ZNF469: variants seen among roughly 807,000 people sequenced by gnomAD.
ZNF469 encodes zinc finger protein 469.
Under a neutral mutation model 1.0 loss-of-function variants are expected in ZNF469, and 1 was observed. The ratio of observed to expected loss-of-function variants is 1.00; its 90% CI spans 0.35 to 4.73. The LOEUF is 4.73. ZNF469 is among the 30% of genes most tolerant of loss of function. The pLI is 0.16. For missense variants in ZNF469, 6,100 were observed against 5,356.3 expected (o/e 1.14, Z -4.33); for synonymous variants, 2,703 against 2,363.4 (o/e 1.14, Z -4.17).
the ZNF469 span, among the ~76,000 whole-genome samples, chr16:88,184,603 G>C: frequency 1.4e-3 from 207 of 152,074 alleles, 1 homozygote; most frequent in African/African-American, 4.6e-3. Context: ...TCCCGTTTCA[G>C]GGGGGAAGCT....
intron 1 of ZNF469, among the ~76,000 whole-genome samples, chr16:88,395,660 G>T (rs563518588): frequency 1.3e-5 from 2 of 152,012 alleles, no homozygotes; most frequent in South Asian, 2.1e-4. Flanking sequence ...AATTCCCACC[G>T]GAGGCTCAGA....
the ZNF469 span, among the ~76,000 whole-genome samples, chr16:88,267,594 T>A: frequency 6.6e-6 from 1 of 152,130 alleles, no homozygotes; most frequent in Non-Finnish European, 1.5e-5. Context: ...GGATTCTGTG[T>A]TCCTCCCTCT....
the ZNF469 span, among the ~76,000 whole-genome samples, chr16:88,113,048 G>A: frequency 3.3e-5 from 5 of 152,254 alleles, no homozygotes; most frequent in Admixed American, 6.5e-5. Flanking sequence ...AAAGTGCTGG[G>A]ATTACAGGTG....
At chr16:88,197,536 G>A in the ZNF469 span, among the ~76,000 whole-genome samples, 210 of 152,334 alleles carry the variant, frequency 1.4e-3, 1 homozygote, top group African/African-American at 4.9e-3. Context: ...TTTGCATTTG[G>A]GAGAAAGCCC....
chr16:88,236,902 C>T, the ZNF469 span, among the ~76,000 whole-genome samples: 1 of 152,096 alleles, frequency 6.6e-6, no homozygotes, highest in Non-Finnish European at 1.5e-5. Context: ...AGAATCAGTG[C>T]TCTGCCAAGC....
At chr16:88,215,493 G>A in the ZNF469 span, among the ~76,000 whole-genome samples, 21 of 140,114 alleles carry the variant, frequency 1.5e-4, no homozygotes, top group South Asian at 7.2e-4. Flanking sequence ...GGGTTCAAGC[G>A]ATTCTCCTGC....
chr16:88,368,889 G>A, the ZNF469 span, among the ~76,000 whole-genome samples: 1 of 152,124 alleles, frequency 6.6e-6, no homozygotes, highest in African/African-American at 2.4e-5. Flanking sequence ...GACCAGCCTG[G>A]CCAACATGGT....
the ZNF469 span, among the ~76,000 whole-genome samples, chr16:88,135,747 TG>T: frequency 1.7e-4 from 3 of 17,992 alleles, no homozygotes; most frequent in South Asian, 5.7e-3. Context: ...AAGCTGGCCA[TG>T]TTTTTTTTTT....
chr16:88,158,063 T>C, the ZNF469 span, among the ~76,000 whole-genome samples: 4 of 151,836 alleles, frequency 2.6e-5, no homozygotes, highest in Non-Finnish European at 4.4e-5. Context: ...GGTCTGCTCT[T>C]GGGGTGTCCG....
At chr16:88,381,892 T>C (rs2142258303), upstream of ZNF469, among the ~76,000 whole-genome samples, 1 of 152,340 alleles carries the variant, frequency 6.6e-6, no homozygotes, top group East Asian at 1.9e-4. Context: ...ACTCATTGGC[T>C]CCACCAGAAG....
At chr16:88,373,261 C>A in the ZNF469 span, among the ~76,000 whole-genome samples, 15 of 152,356 alleles carry the variant, frequency 9.8e-5, no homozygotes, top group Non-Finnish European at 2.1e-4. Flanking sequence ...GCCACAGTCA[C>A]CCTGTGCCAG....
chr16:88,428,033 C>T lies in ZNF469; in HGVS notation c.563C>T (p.Pro188Leu). The change falls in exon 3 of 3, where the codon CCC (proline) becomes CTC (leucine). Residue 188 changes from proline (P) to leucine (L), a missense_variant. By Grantham distance (98) the Pro-to-Leu change is moderately conservative. Transcript: ENST00000565624. Reference protein sequence around the residue: ...LGFHRCFQEPPSSFTSTNYTS... With the variant: ...LGFHRCFQEPLSSFTSTNYTS... ...TTCCACAGGTGCTTCCAGGAGCCAC[C>T]CTCCAGCTTTACCTCCACCAACTAT... The T allele has an allele frequency of 6.5e-7, 1 of 1,550,032 alleles. No individual in the cohort carries two copies. Among genetic ancestry groups the T allele is most frequent in the Non-Finnish European group, 8.7e-7 (1 of 1,146,878 alleles).
chr16:88,310,286 T>C, the ZNF469 span, among the ~76,000 whole-genome samples: 1 of 152,012 alleles, frequency 6.6e-6, no homozygotes, highest in African/African-American at 2.4e-5. Flanking sequence ...GAAGCAGAAT[T>C]TCTTTGGGGA....
rs988733189 is a variant in ZNF469, at chr16:88,437,434, C to T, written c.9964C>T (p.Leu3322Phe). Residue 3322 changes from leucine to phenylalanine, a missense_variant, in exon 3 of 3, where the codon CTC becomes TTC. Transcript: ENST00000565624. ...CGACCCCTGGGCCGGCGGGGAGCCC[C>T]TCCTGCAAGCCACCCCGGTGCACGA... ...SPDPWAGGEP[L>F]LQATPVHEAC... 6.6e-7 allele frequency: 1 copy of T among 1,523,156 alleles called. No individual in the cohort carries two copies. The highest frequency in any genetic ancestry group is 1.4e-5 in the African/African-American group (1 of 71,354). 94.4% of individuals were successfully genotyped at this position (1,523,156 alleles called of 1,614,324 possible).
chr16:88,402,925 C>A (rs1204534635), intron 1 of ZNF469, among the ~76,000 whole-genome samples: 3 of 151,008 alleles, frequency 2.0e-5, no homozygotes, highest in East Asian at 3.9e-4. Flanking sequence ...CAGCTGAGAA[C>A]CCCCACGCCG....
chr16:88,304,859 G>T, the ZNF469 span, among the ~76,000 whole-genome samples: 1 of 152,332 alleles, frequency 6.6e-6, no homozygotes, highest in Non-Finnish European at 1.5e-5. Flanking sequence ...GGTGCTGCCT[G>T]CACCCTGGAG....
chr16:88,178,483 G>A, the ZNF469 span: 4 of 152,330 alleles, frequency 2.6e-5, no homozygotes, highest in East Asian at 1.9e-4. Context: ...GGCCCATCCC[G>A]AGAGCACTGA....
At chr16:88,318,236 G>A in the ZNF469 span, among the ~76,000 whole-genome samples, 4 of 152,216 alleles carry the variant, frequency 2.6e-5, no homozygotes, top group East Asian at 1.9e-4. Context: ...ATGGAGCTGC[G>A]GCTGTGGCTG....
the ZNF469 span, among the ~76,000 whole-genome samples, chr16:88,333,720 G>A: frequency 6.6e-6 from 1 of 152,334 alleles, no homozygotes; most frequent in African/African-American, 2.4e-5. Flanking sequence ...TTCTTCCCAC[G>A]GATGCGGGCC....
Sources: gnomAD v4.1 joint callset for allele counts (sites outside exome capture counted in the v4.1 genomes callset) on GRCh38, gnomAD v4.1.1 for gene constraint, MANE v1.5 for transcripts, NCBI Gene and HGNC (gene_info 2026-07-23, HGNC 2026-07-21) for gene names.